The following SEC14L6 variants were observed in gnomAD, a reference collection of about 807,000 sequenced individuals.
SEC14L6 encodes SEC14-like protein 6.
SEC14L6 carries 40 observed loss-of-function variants against 54.1 expected under a neutral mutation model. The observed-to-expected ratio is 0.74, with a 90% CI of 0.57 to 0.96. The LOEUF (loss-of-function observed/expected upper bound fraction) is 0.96. Among genes scored for constraint, SEC14L6 ranks in the 40% least tolerant of loss-of-function variants. SEC14L6 has a pLI of 0.00. For synonymous variants in SEC14L6, 171 were observed against 198.4 expected, an observed-to-expected ratio of 0.86 and a Z score of 1.16; for missense variants, 471 against 498.3, an observed-to-expected ratio of 0.95 and a Z score of 0.52.
chr22:30,539,496 C>T (rs1171337616), intron 1 of SEC14L6, among the ~76,000 whole-genome samples: 2 of 152,154 alleles, frequency 1.3e-5, no homozygotes, highest in Admixed American at 1.3e-4. Flanking sequence ...CTTTAGTGCC[C>T]TGATCTTCAT....
Position 30,532,550 on chromosome 22 carries a change from C to T in SEC14L6, c.398G>A (p.Arg133Gln), listed in dbSNP as rs773354534. Residue 133 changes from arginine to glutamine, a missense_variant, in exon 5 of 12, where the codon CGG (arginine) becomes CAG (glutamine). By Grantham distance (43) the Arg-to-Gln change is conservative. Transcript: ENST00000402034. ...CTTCTGACTCTGCAGCTCACACTCC[C>T]GCAGGAGCAGCTCGCAGCTCCGGAA... ...DSFRSCELLL[R>Q]ECELQSQKLG... The T allele has an allele frequency of 2.2e-5, 34 of 1,550,158 alleles. 1 individual carries two copies. The highest frequency in any genetic ancestry group is 2.1e-4 in the South Asian group (18 of 84,024).
At chr22:30,542,327 G>A (rs1044623066) in intron 1 of SEC14L6, among the ~76,000 whole-genome samples, 4 of 151,794 alleles carry the variant, frequency 2.6e-5, no homozygotes, top group East Asian at 3.9e-4. Context: ...TCCACTCCCC[G>A]ACTCCTTCGC....
At chr22:30,525,141 GC>G in intron 11 of SEC14L6, 32 bp from the exon 12 acceptor site, 1 of 1,351,158 alleles carries the variant, frequency 7.4e-7, no homozygotes, top group Non-Finnish European at 1.0e-6. Flanking sequence ...CAGACAAGAT[GC>G]CCCACCTGGG....
intron 8 of SEC14L6, among the ~76,000 whole-genome samples, chr22:30,528,235 C>T (rs1419048798): frequency 6.6e-6 from 1 of 150,748 alleles, no homozygotes; most frequent in African/African-American, 2.4e-5. Flanking sequence ...CAGTTCCCTG[C>T]CTCAGCCTCC....
chr22:30,543,066 G>A, intron 1 of SEC14L6: 2 of 1,598,906 alleles, frequency 1.3e-6, no homozygotes, highest in East Asian at 4.5e-5. Flanking sequence ...ACCACACAGT[G>A]AGCTTCACCT....
chr22:30,546,494 C>T, intron 1 of SEC14L6, 135 bp downstream of exon 1: 1 of 699,960 alleles, frequency 1.4e-6, no homozygotes, highest in Non-Finnish European at 2.4e-6. Flanking sequence ...TAGCCTCTGG[C>T]TACCAAGCCC....
rs1437069935 is a variant in SEC14L6 at position 30,531,983 on chromosome 22, C to G, written c.439G>C (p.Glu147Gln). The change falls in exon 6 of 12, where the codon GAG becomes CAG. Residue 147 changes from glutamate (E) to glutamine (Q), a missense_variant. Physicochemically the swap from Glu to Gln is conservative, Grantham distance 29. Coordinates refer to ENST00000402034, the MANE Select transcript of SEC14L6 (RefSeq NM_001193336.4). ...AGACCAAAAATAGCTATGATTTTCT[C>G]CACCCTCTTCCCCAGCTGCAAGGGA... ...LQSQKLGKRV[E>Q]KIIAIFGLEG... 4.5e-6 allele frequency: 7 copies of G among 1,550,636 alleles called. No homozygotes were observed.
chr22:30,525,320 C>T (rs1268685945), intron 11 of SEC14L6, 30 bp downstream of exon 11: 2 of 1,609,374 alleles, frequency 1.2e-6, no homozygotes, highest in South Asian at 1.1e-5. Context: ...GCCCCCAGCT[C>T]CAGGTAGAGC....
chr22:30,532,592 T>C lies in SEC14L6; in HGVS notation c.356A>G (p.Glu119Gly). Reference sequence around the variant, plus strand: ...GCTCCGGAAGCTGTCCCTGAGCAACTCCTGTTTGGAGGCTGAGAGCAAGAG... The same window carrying C: ...GCTCCGGAAGCTGTCCCTGAGCAACCCCTGTTTGGAGGCTGAGAGCAAGAG... ...KGLLLSASKQ[E>G]LLRDSFRSCE... Residue 119 changes from glutamate to glycine, a missense_variant, in exon 5 of 12, where the codon GAG (glutamate) becomes GGG (glycine). Glu to Gly is a moderately conservative substitution (Grantham distance 98). Coordinates refer to ENST00000402034, the MANE Select transcript of SEC14L6 (RefSeq NM_001193336.4). 1 of 1,550,546 alleles carries C rather than the reference T, an allele frequency of 6.4e-7. No homozygotes were observed. The highest frequency in any genetic ancestry group is 8.7e-7 in the Non-Finnish European group (1 of 1,146,990).
At chr22:30,532,283 G>C (rs1288824278) in intron 5 of SEC14L6, 1 of 985,458 alleles carries the variant, frequency 1.0e-6, no homozygotes, top group Non-Finnish European at 1.2e-6. Context: ...AGGCTGCAGA[G>C]GGCAGTGTGG....
chr22:30,537,021 CAAAAAAAAAAAA>C (rs11383409), intron 2 of SEC14L6, among the ~76,000 whole-genome samples: 1 of 78,512 alleles, frequency 1.3e-5, no homozygotes, highest in East Asian at 4.1e-4. Context: ...GACTCTGACT[CAAAAAAAAAAAA>C]AAAAAAAAGG....
intron 1 of SEC14L6, chr22:30,542,473 AAAC>A (rs1240694362): frequency 3.5e-6 from 2 of 568,576 alleles, no homozygotes; most frequent in Non-Finnish European, 5.7e-6. Flanking sequence ...GACCTCAGAA[AAAC>A]AAGTTTGCGC....
intron 3 of SEC14L6, 24 bp downstream of exon 3, chr22:30,533,972 G>A (rs1272255186): frequency 6.5e-7 from 1 of 1,548,986 alleles, no homozygotes; most frequent in Non-Finnish European, 8.7e-7. Flanking sequence ...GACCAGGCTA[G>A]GCAGGGGGAG....
In SEC14L6 at chr22:30,525,860, G is replaced by A. The variant is rs755585089; in HGVS notation, c.737C>T (p.Thr246Ile). The A allele has an allele frequency of 6.2e-7, 1 of 1,613,644 alleles. No individual in the cohort carries two copies. The highest frequency in any genetic ancestry group is 8.5e-7 in the Non-Finnish European group (1 of 1,179,782). ...GCACTTGGGGTTGCCATCGGGGTCA[G>A]TCATGGTCCCCCCAAACTCCACGGG... Reference protein sequence around the residue: ...QLPVEFGGTMTDPDGNPKCLT... With the variant: ...QLPVEFGGTMIDPDGNPKCLT... The change falls in exon 9 of 12, where the codon ACT (threonine) becomes ATT (isoleucine). Residue 246 changes from threonine (T) to isoleucine (I), a missense_variant. Coordinates refer to ENST00000402034, the MANE Select transcript of SEC14L6 (RefSeq NM_001193336.4).
At chr22:30,537,042 G>T (rs1396146608) in intron 2 of SEC14L6, among the ~76,000 whole-genome samples, 1 of 101,448 alleles carries the variant, frequency 9.9e-6, no homozygotes. Flanking sequence ...AAAAAAAAAA[G>T]GAAATAATAC....
rs1378624485 is a variant in SEC14L6, at chr22:30,525,016, T to C, written c.1175A>G (p.Glu392Gly). The change falls in exon 12 of 12, where the codon GAG (glutamate) becomes GGG (glycine). Residue 392 changes from glutamate to glycine, a missense_variant. By Grantham distance (98) the Glu-to-Gly change is moderately conservative. Transcript: ENST00000402034. ...EVLLPDQTFM[E>G]KMEKF Reference sequence around the variant, plus strand: ...GTTCACCTAGAATTTCTCCATCTTCTCCATGAAGGTTTGGTCTGGGAGCAG... The same window carrying C: ...GTTCACCTAGAATTTCTCCATCTTCCCCATGAAGGTTTGGTCTGGGAGCAG... 1 of 1,536,676 alleles carries C rather than the reference T, an allele frequency of 6.5e-7. No individual in the cohort carries two copies. The highest frequency in any genetic ancestry group is 8.8e-7 in the Non-Finnish European group (1 of 1,134,358).
At chr22:30,536,399 G>A (rs2085600886) in intron 2 of SEC14L6, among the ~76,000 whole-genome samples, 1 of 152,102 alleles carries the variant, frequency 6.6e-6, no homozygotes, top group Non-Finnish European at 1.5e-5. Flanking sequence ...ACCCCCCAGG[G>A]AAGGAGTCTT....
chr22:30,533,344 T>C (rs770515651), intron 3 of SEC14L6, among the ~76,000 whole-genome samples: 2 of 152,188 alleles, frequency 1.3e-5, no homozygotes, highest in African/African-American at 4.8e-5. Flanking sequence ...CTCACGCCTG[T>C]AATCCCAGCA....
intron 6 of SEC14L6, 35 bp from the exon 7 acceptor site, chr22:30,529,384 G>T (rs1936893318): frequency 6.6e-7 from 1 of 1,523,834 alleles, no homozygotes; most frequent in African/African-American, 1.4e-5. Context: ...ATGGGCGTCT[G>T]AACACTGTCC....
Sources: gnomAD v4.1 joint callset for allele counts (sites outside exome capture counted in the v4.1 genomes callset) on GRCh38, gnomAD v4.1.1 for gene constraint, MANE v1.5 for transcripts, NCBI Gene and HGNC (gene_info 2026-07-23, HGNC 2026-07-21) for gene names.